The following LHFPL3 variants were observed in gnomAD, a reference collection of about 807,000 sequenced individuals.
LHFPL3 encodes LHFPL tetraspan subfamily member 3 protein.
In LHFPL3, 5 loss-of-function variants were observed where a neutral mutation model predicts 19.3. The ratio of observed to expected loss-of-function variants is 0.26; its 90% confidence interval spans 0.14 to 0.54. LHFPL3 has a LOEUF of 0.54. Ranked by LOEUF, LHFPL3 falls within the 20% of genes least tolerant of loss-of-function variation. The probability of loss-of-function intolerance (pLI) is 0.94; values close to 1 mark genes in which losing one functional copy is unlikely to be tolerated. For synonymous variants in LHFPL3, 133 were observed against 126.2 expected (o/e 1.05, Z -0.36); for missense variants, 249 against 307.4 (o/e 0.81, Z 1.42).
At chr7:104,617,007 G>T (rs966776510) in intron 1 of LHFPL3, among the ~76,000 whole-genome samples, 2 of 152,188 alleles carry the variant, frequency 1.3e-5, no homozygotes, top group African/African-American at 4.8e-5. Flanking sequence ...AACAACAGAT[G>T]CTGGAGAGGA....
intron 2 of LHFPL3, among the ~76,000 whole-genome samples, chr7:104,867,653 G>T (rs989400816): frequency 7.9e-5 from 12 of 152,272 alleles, no homozygotes; most frequent in Admixed American, 5.9e-4. Flanking sequence ...AGAGGTACAA[G>T]GAGGAGCTGG....
intron 1 of LHFPL3, among the ~76,000 whole-genome samples, chr7:104,627,490 T>A (rs180746142): frequency 6.6e-6 from 1 of 152,296 alleles, no homozygotes; most frequent in East Asian, 1.9e-4. Context: ...CTTTGACAGT[T>A]ATAGGAGAGA....
intron 2 of LHFPL3, among the ~76,000 whole-genome samples, chr7:104,764,578 C>T (rs1794425109): frequency 6.6e-6 from 1 of 152,140 alleles, no homozygotes; most frequent in Non-Finnish European, 1.5e-5. Context: ...ATTTCAGTTA[C>T]AAAAACCCTA....
At chr7:104,445,040 T>C (rs1473613774) in intron 1 of LHFPL3, among the ~76,000 whole-genome samples, 1 of 152,152 alleles carries the variant, frequency 6.6e-6, no homozygotes, top group South Asian at 2.1e-4. Context: ...TCTGATTAAT[T>C]TGAATATACT....
At chr7:104,491,791 A>T (rs757904041) in intron 1 of LHFPL3, among the ~76,000 whole-genome samples, 1 of 152,244 alleles carries the variant, frequency 6.6e-6, no homozygotes, top group East Asian at 1.9e-4. Flanking sequence ...TATATCATCC[A>T]AATTAAATGT....
chr7:104,450,631 G>A (rs1221905703), intron 1 of LHFPL3, among the ~76,000 whole-genome samples: 1 of 151,992 alleles, frequency 6.6e-6, no homozygotes, highest in Non-Finnish European at 1.5e-5. Flanking sequence ...TAGATGACGG[G>A]TTGATGGGTG....
chr7:104,798,948 G>A (rs150304376), intron 2 of LHFPL3, among the ~76,000 whole-genome samples: 2,329 of 152,258 alleles, frequency 0.015, 29 homozygotes, highest in Middle Eastern at 0.044. Flanking sequence ...AAACTGAGGA[G>A]GACTTGGAGA....
At chr7:104,440,140 C>T (rs1792194029) in intron 1 of LHFPL3, among the ~76,000 whole-genome samples, 1 of 150,992 alleles carries the variant, frequency 6.6e-6, no homozygotes. Context: ...AACTAACTTG[C>T]ACATCGTGCA....
intron 1 of LHFPL3, among the ~76,000 whole-genome samples, chr7:104,392,795 G>A (rs1791103718): frequency 6.6e-6 from 1 of 152,100 alleles, no homozygotes; most frequent in South Asian, 2.1e-4. Flanking sequence ...GGTAGAATTT[G>A]GCTGTGAATC....
chr7:104,818,258 G>A (rs1790603534), intron 2 of LHFPL3, among the ~76,000 whole-genome samples: 1 of 151,964 alleles, frequency 6.6e-6, no homozygotes, highest in Non-Finnish European at 1.5e-5. Flanking sequence ...CACCCTCTAG[G>A]TAACCTATTG....
chr7:104,582,918 C>T (rs1440259996), intron 1 of LHFPL3, among the ~76,000 whole-genome samples: 1 of 151,776 alleles, frequency 6.6e-6, no homozygotes, highest in Admixed American at 6.6e-5. Flanking sequence ...CCTGGTCTGG[C>T]ACTTCTGGAG....
At chr7:104,668,039 T>C in intron 1 of LHFPL3, 1 of 1,613,756 alleles carries the variant, frequency 6.2e-7, no homozygotes, top group Non-Finnish European at 8.5e-7. Flanking sequence ...CACCCTACAC[T>C]GCTTTTCTAG....
chr7:104,669,166 G>A (rs1792422680), intron 1 of LHFPL3: 7 of 1,613,502 alleles, frequency 4.3e-6, no homozygotes, highest in Non-Finnish European at 5.9e-6. Context: ...GGTAATGCCA[G>A]CCCCTCCACC....
intron 1 of LHFPL3, among the ~76,000 whole-genome samples, chr7:104,442,270 G>T (rs1792242469): frequency 6.6e-6 from 1 of 150,728 alleles, no homozygotes; most frequent in African/African-American, 2.4e-5. Flanking sequence ...CTGAATTGTA[G>T]TGGTTCCTTA....
rs57121880 is a variant in LHFPL3, at chr7:104,399,523, G to T, written c.445+70299G>T. On this transcript the variant is annotated intron_variant, in intron 1 of 2. Coordinates refer to ENST00000424859, the MANE Select transcript of LHFPL3 (RefSeq NM_199000.3). The surrounding 1 kb of genome is among the most constrained non-coding windows in gnomAD (Gnocchi z 4.4). ...GGCTGGCAGGCTGGAGTGCAGTGGC[G>T]CAGTCTTGGCTCAGTGCAACCTCTG... Among the ~76,000 whole-genome samples, 13,881 of 151,392 alleles carry T rather than the reference G, an allele frequency of 0.092. 696 individuals are homozygous for T. The highest frequency in any genetic ancestry group is 0.1 in the Non-Finnish European group (6,825 of 67,874).
chr7:104,781,752 C>CCCTATACTT, intron 2 of LHFPL3, among the ~76,000 whole-genome samples: 1 of 152,240 alleles, frequency 6.6e-6, no homozygotes, highest in Non-Finnish European at 1.5e-5. Context: ...ACTGTTCAGT[C>CCCTATACTT]CCTATACTTT....
At chr7:104,449,363 A>C (rs1341820994) in intron 1 of LHFPL3, among the ~76,000 whole-genome samples, 3 of 152,176 alleles carry the variant, frequency 2.0e-5, no homozygotes, top group Non-Finnish European at 4.4e-5. Context: ...TCTTCCTTTG[A>C]TAGCAAGGTA....
rs1243666452 is a variant in LHFPL3, at chr7:104,696,746, G to A, written c.446-39929G>A. 2.6e-5 allele frequency among the ~76,000 whole-genome samples: 4 copies of A among 152,280 alleles called. No individual in the cohort carries two copies. The East Asian group carries it at 7.7e-4, about 29-fold the overall frequency. Reference sequence around the variant, plus strand: ...GAGGATTTCTTAGTACCTGGCAAAAGGGGTGTCTTCTGCAGAGTTCTAGAC... The same window carrying A: ...GAGGATTTCTTAGTACCTGGCAAAAAGGGTGTCTTCTGCAGAGTTCTAGAC... On this transcript the variant is annotated intron_variant, in intron 1 of 2. Coordinates refer to ENST00000424859, the MANE Select transcript of LHFPL3 (RefSeq NM_199000.3).
At chr7:104,625,941 C>A (rs1239742412) in intron 1 of LHFPL3, among the ~76,000 whole-genome samples, 1 of 152,178 alleles carries the variant, frequency 6.6e-6, no homozygotes, top group African/African-American at 2.4e-5. Flanking sequence ...CCCCTGCTAG[C>A]CAGCTGTCAT....
Sources: gnomAD v4.1 joint callset for allele counts (sites outside exome capture counted in the v4.1 genomes callset) on GRCh38, gnomAD v4.1.1 for gene constraint, Gnocchi (gnomAD v3.1) non-coding constraint, MANE v1.5 for transcripts, NCBI Gene and HGNC (gene_info 2026-07-23, HGNC 2026-07-21) for gene names.